GPATCH2L: variants seen among roughly 807,000 people sequenced by gnomAD.
GPATCH2L encodes G patch domain-containing protein 2-like.
GPATCH2L carries 31 observed loss-of-function variants against 57.4 expected under a neutral mutation model. The ratio of observed to expected loss-of-function variants is 0.54; its 90% CI spans 0.41 to 0.73. The LOEUF is 0.73. Ranked by LOEUF, GPATCH2L falls within the 30% of genes least tolerant of loss-of-function variation. The pLI, the probability that GPATCH2L is intolerant of heterozygous loss-of-function variation, is 0.00. For synonymous variants in GPATCH2L, 199 were observed against 210.7 expected (o/e 0.94, Z 0.48); for missense variants, 481 against 599.9 (o/e 0.80, Z 2.07).
chr14:76,168,780 G>A (rs2038959247), intron 3 of GPATCH2L, among the ~76,000 whole-genome samples: 1 of 152,238 alleles, frequency 6.6e-6, no homozygotes, highest in South Asian at 2.1e-4. Context: ...GAATCCAATG[G>A]CAAAGAGCAA....
intron 1 of GPATCH2L, among the ~76,000 whole-genome samples, chr14:76,221,962 C>T (rs2040516850): frequency 1.3e-5 from 2 of 152,186 alleles, no homozygotes; most frequent in South Asian, 4.2e-4. Context: ...ATTAGTGTAT[C>T]AACTATGGAC....
intron 2 of GPATCH2L, among the ~76,000 whole-genome samples, chr14:76,165,407 G>T (rs192418177): frequency 6.6e-6 from 1 of 151,380 alleles, no homozygotes; most frequent in Admixed American, 6.6e-5. Context: ...TAGGAGAATT[G>T]CTTGAACCTG....
chr14:76,218,307 A>G (rs536526920), downstream of GPATCH2L, among the ~76,000 whole-genome samples: 8 of 152,298 alleles, frequency 5.3e-5, no homozygotes, highest in East Asian at 5.8e-4. Context: ...TTACTTAGAA[A>G]CTAAAGAAGA....
chr14:76,183,294 T>G (rs2039645317), intron 8 of GPATCH2L, among the ~76,000 whole-genome samples: 1 of 152,234 alleles, frequency 6.6e-6, no homozygotes, highest in Non-Finnish European at 1.5e-5. Flanking sequence ...TAATATTGCT[T>G]ATTGTTTTAG....
At chr14:76,182,585 CAAAAAA>C (rs66602777) in intron 8 of GPATCH2L, among the ~76,000 whole-genome samples, 4 of 84,794 alleles carry the variant, frequency 4.7e-5, no homozygotes, top group Non-Finnish European at 4.5e-5. Context: ...GACCCTGTCT[CAAAAAA>C]AAAAAAAAAA....
Position 76,154,166 on chromosome 14 carries a change from A to G in GPATCH2L, c.-10-188A>G, listed in dbSNP as rs1292861049. 1.9e-6 allele frequency: 1 copy of G among 517,816 alleles called. No individual in the cohort carries two copies. Among genetic ancestry groups the G allele is most frequent in the African/African-American group, 1.9e-5 (1 of 51,564 alleles). The allele number at this position is 517,816 out of a possible 1,614,324, so 32.1% of individuals were successfully genotyped here. ...ACAAAACATCTATTTTTAGTGACTT[A>G]AGGAAGTGGTAGGAACAGAATCTAA... On this transcript the variant is annotated intron_variant, in intron 1 of 9. Transcript: ENST00000261530. This position sits in a 1 kb window ranked among gnomAD's most constrained non-coding sequence, Gnocchi z 4.4.
chr14:76,196,304 C>G, intron 9 of GPATCH2L: 1 of 601,602 alleles, frequency 1.7e-6, no homozygotes, highest in East Asian at 2.8e-5. Context: ...GTCAGGCAGT[C>G]ACACAGGGTT....
At chr14:76,197,749 C>T (rs1254447023) in intron 9 of GPATCH2L, among the ~76,000 whole-genome samples, 2 of 152,172 alleles carry the variant, frequency 1.3e-5, no homozygotes, top group East Asian at 1.9e-4. Flanking sequence ...CACTAAATCA[C>T]GCTACGGCAT....
chr14:76,167,457 T>G (rs558453628), intron 3 of GPATCH2L, among the ~76,000 whole-genome samples: 2 of 152,180 alleles, frequency 1.3e-5, no homozygotes, highest in Non-Finnish European at 2.9e-5. Flanking sequence ...AGTCCAATAA[T>G]TTTTCTCCAC....
rs181314727 is a variant in GPATCH2L, at chr14:76,226,490, T to C, written c.66-3318T>C. 2.0e-5 allele frequency among the ~76,000 whole-genome samples: 3 copies of C among 152,302 alleles called. No individual in the cohort carries two copies. The East Asian group carries it at 5.8e-4, about 29-fold the overall frequency. ...AAAGGGCCTGTGGAAACTGTGGTCA[T>C]GTTCTATGTCTTTGTTTAGAGGATG... On this transcript the variant is annotated intron_variant and NMD_transcript_variant, in intron 1 of 3. Coordinates refer to the GPATCH2L transcript ENST00000556372.
chr14:76,154,878 A>G lies in GPATCH2L; in HGVS notation c.515A>G (p.Lys172Arg). ...AAGAAGCAGCGTCTGTCCCGCTGGA[A>G]GGAGAATACTCCCTGGACCTCATCA... is the stretch of plus-strand genomic sequence containing the variant. ...SAKKQRLSRWKENTPWTSSGH... is the reference protein window; with the variant it reads ...SAKKQRLSRWRENTPWTSSGH... The change falls in exon 2 of 10, where the codon AAG becomes AGG. Residue 172 changes from lysine to arginine, a missense_variant. Physicochemically the swap from Lys to Arg is conservative, Grantham distance 26. Around this residue, in one of 3 missense-constraint regions of GPATCH2L, gnomAD observed 208 missense variants for 272.4 expected, o/e 0.76. Coordinates refer to ENST00000261530, the MANE Select transcript of GPATCH2L (RefSeq NM_017926.4). This position sits in a 1 kb window ranked among gnomAD's most constrained non-coding sequence, Gnocchi z 4.4. 1.2e-6 allele frequency: 2 copies of G among 1,614,238 alleles called. No individual in the cohort carries two copies. The highest frequency in any genetic ancestry group is 1.7e-6 in the Non-Finnish European group (2 of 1,180,034).
chr14:76,169,726 G>A (rs939985615), intron 3 of GPATCH2L, among the ~76,000 whole-genome samples: 35 of 152,096 alleles, frequency 2.3e-4, no homozygotes, highest in African/African-American at 7.7e-4. Flanking sequence ...AGAAAACATG[G>A]CCTAATTAAA....
At chr14:76,195,524 A>G (rs2040119414) in intron 8 of GPATCH2L, among the ~76,000 whole-genome samples, 1 of 152,206 alleles carries the variant, frequency 6.6e-6, no homozygotes, top group South Asian at 2.1e-4. Context: ...TTTTCAATGT[A>G]TTACCTCTTG....
At chr14:76,184,154 G>A (rs1313779184) in intron 8 of GPATCH2L, among the ~76,000 whole-genome samples, 1 of 151,882 alleles carries the variant, frequency 6.6e-6, no homozygotes, top group Non-Finnish European at 1.5e-5. Context: ...GAGGAGGGCT[G>A]GTGTATTAAT....
intron 4 of GPATCH2L, 83 bp from the exon 5 acceptor site, chr14:76,173,463 G>C: frequency 1.2e-6 from 1 of 800,468 alleles, no homozygotes; most frequent in Non-Finnish European, 2.1e-6. Context: ...GATCCTGGGG[G>C]TAAAGCCTTC....
rs1477426610 is a variant in GPATCH2L at position 76,233,596 on chromosome 14, A to C, written c.*117+3643A>C. Among the ~76,000 whole-genome samples the C allele has an allele frequency of 1.3e-5, 2 of 152,218 alleles. 1 individual carries two copies. Among genetic ancestry groups the C allele is most frequent in the East Asian group, 3.8e-4 (2 of 5,206 alleles). On this transcript the variant is annotated intron_variant and NMD_transcript_variant, in intron 2 of 3. Coordinates refer to the GPATCH2L transcript ENST00000556372. ...AGCCCCACCTTCTTCTCCCACTGTC[A>C]TAGTGTTTTTGAAGAAAATCTCCTG...
chr14:76,215,161 A>T (rs957329956), downstream of GPATCH2L, among the ~76,000 whole-genome samples: 5 of 152,318 alleles, frequency 3.3e-5, no homozygotes, highest in African/African-American at 1.2e-4. Flanking sequence ...AAACACATGA[A>T]AAAATGCTCA....
chr14:76,177,437 C>T (rs1423126898), intron 6 of GPATCH2L, among the ~76,000 whole-genome samples: 1 of 151,820 alleles, frequency 6.6e-6, no homozygotes, highest in Non-Finnish European at 1.5e-5. Context: ...ATTCTTGTGA[C>T]AGCCTTGTCC....
intron 8 of GPATCH2L, among the ~76,000 whole-genome samples, chr14:76,184,219 T>G (rs2039685817): frequency 6.6e-6 from 1 of 152,208 alleles, no homozygotes; most frequent in Admixed American, 6.5e-5. Context: ...CATCATGGAA[T>G]TTTTAATGGC....
Sources: allele counts gnomAD v4.1 joint callset (sites outside exome capture counted in the v4.1 genomes callset), GRCh38; gene constraint gnomAD v4.1.1; regional missense constraint gnomAD v4.1.1; non-coding constraint Gnocchi (gnomAD v3.1); transcripts MANE v1.5; gene names NCBI Gene and HGNC (gene_info 2026-07-23, HGNC 2026-07-21).